SLC30A9: variants seen among roughly 807,000 people sequenced by gnomAD.
SLC30A9 encodes the protein solute carrier family 30 member 9.
In SLC30A9, 58 loss-of-function variants were observed where a neutral mutation model predicts 87.5. That is an observed-to-expected ratio of 0.66 (90% CI 0.54 to 0.82). The LOEUF (loss-of-function observed/expected upper bound fraction) is 0.82. Ranked by LOEUF, SLC30A9 falls within the 40% of genes least tolerant of loss-of-function variation. The pLI, the probability that SLC30A9 is intolerant of heterozygous loss-of-function variation, is 0.00. For synonymous variants in SLC30A9, 234 were observed against 233.0 expected (o/e 1.00, Z -0.04); for missense variants, 557 against 679.1 (o/e 0.82, Z 2.00).
chr4:42,044,569 G>C (rs1717064977), intron 8 of SLC30A9, among the ~76,000 whole-genome samples: 1 of 152,134 alleles, frequency 6.6e-6, no homozygotes, highest in South Asian at 2.1e-4. Context: ...CATAAAGCAA[G>C]TTCTTAGAGA....
intron 10 of SLC30A9, 150 bp from the exon 11 acceptor site, chr4:42,062,836 G>T: frequency 3.2e-6 from 2 of 631,248 alleles, no homozygotes; most frequent in Non-Finnish European, 5.3e-6. Context: ...TTTACATATT[G>T]CTTTTCAAGT....
chr4:42,044,632 T>C (rs76560467), intron 8 of SLC30A9, among the ~76,000 whole-genome samples: 1 of 152,204 alleles, frequency 6.6e-6, no homozygotes, highest in South Asian at 2.1e-4. Flanking sequence ...CTTTAACCCC[T>C]CATTGTCAAT....
intron 3 of SLC30A9, among the ~76,000 whole-genome samples, chr4:42,019,808 T>A (rs1046361478): frequency 6.6e-6 from 1 of 152,082 alleles, no homozygotes; most frequent in Non-Finnish European, 1.5e-5. Context: ...ATTTATTATT[T>A]TTTTTGGACA....
At position 42,023,292 on chromosome 4, in the gene SLC30A9, G is replaced by A. The variant is rs965134090; in HGVS notation, c.528-10G>A. Reference sequence around the variant, plus strand: ...ATTGTTCATTGTGGTGACCATGTGTGTATGCACAGATCTTTGGAAGTTTGG... The same window carrying A: ...ATTGTTCATTGTGGTGACCATGTGTATATGCACAGATCTTTGGAAGTTTGG... On this transcript the variant is annotated splice_polypyrimidine_tract_variant and intron_variant, in intron 5 of 17. Transcript: ENST00000264451. 1 of 1,596,092 alleles carries A rather than the reference G, an allele frequency of 6.3e-7. No homozygotes were observed. Among genetic ancestry groups the A allele is most frequent in the South Asian group, 1.1e-5 (1 of 90,700 alleles).
chr4:42,006,013 T>A (rs1228493468), intron 2 of SLC30A9, among the ~76,000 whole-genome samples: 1 of 152,250 alleles, frequency 6.6e-6, no homozygotes, highest in Non-Finnish European at 1.5e-5. Flanking sequence ...GATGGCTGCA[T>A]CTGTACTGAA....
At chr4:42,018,458 A>G in intron 3 of SLC30A9, 1 of 1,242,320 alleles carries the variant, frequency 8.0e-7, no homozygotes, top group Non-Finnish European at 1.0e-6. Context: ...TAAGGCAATT[A>G]AAGAACAAGA....
At chr4:42,041,427 A>G (rs1030054154) in intron 8 of SLC30A9, among the ~76,000 whole-genome samples, 4 of 152,136 alleles carry the variant, frequency 2.6e-5, no homozygotes, top group African/African-American at 9.7e-5. Flanking sequence ...CTGGGACTAC[A>G]GGCACACATG....
chr4:42,017,407 C>T (rs1715771554), intron 2 of SLC30A9, among the ~76,000 whole-genome samples: 1 of 147,932 alleles, frequency 6.8e-6, no homozygotes, highest in South Asian at 2.1e-4. Context: ...ACTTGATGAA[C>T]AGTTTTTCTG....
chr4:42,015,771 G>C (rs1443037900), intron 2 of SLC30A9, among the ~76,000 whole-genome samples: 3 of 151,526 alleles, frequency 2.0e-5, no homozygotes, highest in Non-Finnish European at 1.5e-5. Context: ...CAACTATTGT[G>C]TCCATTCCCA....
At chr4:42,086,053 A>G in intron 17 of SLC30A9, 29 bp from the exon 18 acceptor site, 1 of 1,171,708 alleles carries the variant, frequency 8.5e-7, no homozygotes, top group Non-Finnish European at 1.2e-6. Flanking sequence ...TTTTGCTACA[A>G]ATAATGTGGT....
At chr4:42,040,740 G>T (rs1716887753) in intron 8 of SLC30A9, among the ~76,000 whole-genome samples, 1 of 148,118 alleles carries the variant, frequency 6.8e-6, no homozygotes, top group African/African-American at 2.5e-5. Context: ...AGCTTGCAGT[G>T]AGCCAAGATT....
At chr4:42,048,232 AAAAT>A (rs1717248880) in intron 8 of SLC30A9, among the ~76,000 whole-genome samples, 1 of 152,204 alleles carries the variant, frequency 6.6e-6, no homozygotes, top group South Asian at 2.1e-4. Context: ...ATAAATTTAA[AAAAT>A]AAATAAACAT....
intron 10 of SLC30A9, among the ~76,000 whole-genome samples, chr4:42,062,450 C>T (rs1009203833): frequency 2.0e-5 from 3 of 152,054 alleles, no homozygotes; most frequent in Admixed American, 6.5e-5. Context: ...TGAAAACACC[C>T]AGAAAACTGA....
chr4:42,088,330 A>C lies in SLC30A9; in HGVS notation c.*2204A>C, dbSNP rs1718994447. 6.6e-6 allele frequency: 1 copy of C among 152,288 alleles called. No individual in the cohort carries two copies. The highest frequency in any genetic ancestry group is 2.4e-5 in the African/African-American group (1 of 41,416). The allele number at this position is 152,288 out of a possible 1,614,324, so 9.4% of individuals were successfully genotyped here. ...GAGGCCGAGGCAGGAGGATTGCTTGAGCTCAGGAGGTCAAGACCAGCCTGG... is the reference window on the plus strand; with the variant it reads ...GAGGCCGAGGCAGGAGGATTGCTTGCGCTCAGGAGGTCAAGACCAGCCTGG... On this transcript the variant is annotated 3_prime_UTR_variant, in exon 18 of 18. Transcript: ENST00000264451.
chr4:42,029,409 A>G (rs562013242), intron 6 of SLC30A9: 4 of 619,062 alleles, frequency 6.5e-6, no homozygotes, highest in African/African-American at 1.8e-5. Context: ...TTAAACCCAC[A>G]TATCAGAACC....
chr4:41,993,067 C>T (rs922091114), intron 1 of SLC30A9, among the ~76,000 whole-genome samples: 1 of 150,688 alleles, frequency 6.6e-6, no homozygotes, highest in African/African-American at 2.4e-5. Flanking sequence ...ATATGAGAGC[C>T]CTGTTTGTAA....
At chr4:42,060,529 G>A (rs1577714955) in intron 10 of SLC30A9, among the ~76,000 whole-genome samples, 1 of 152,038 alleles carries the variant, frequency 6.6e-6, no homozygotes, top group African/African-American at 2.4e-5. Context: ...TGATCTTAGA[G>A]GTCTGTTTTA....
At chr4:42,070,297 A>C (rs1167452247) in intron 14 of SLC30A9, 1 of 406,340 alleles carries the variant, frequency 2.5e-6, no homozygotes, top group African/African-American at 2.0e-5. Flanking sequence ...TGACAGGTAC[A>C]AGTAAGAGAT....
intron 17 of SLC30A9, chr4:42,078,988 A>G (rs1185782443): frequency 6.6e-6 from 1 of 152,150 alleles, no homozygotes; most frequent in African/African-American, 2.4e-5. Context: ...GAAGAAAAAA[A>G]CTTCCATCTC....
Sources: gnomAD v4.1 joint callset for allele counts (sites outside exome capture counted in the v4.1 genomes callset) on GRCh38, gnomAD v4.1.1 for gene constraint, MANE v1.5 for transcripts, NCBI Gene and HGNC (gene_info 2026-07-23, HGNC 2026-07-21) for gene names.